PALLD: variants seen among roughly 807,000 people sequenced by gnomAD.
PALLD encodes the protein palladin.
PALLD carries 61 observed loss-of-function variants against 123.5 expected under a neutral mutation model. That is an observed-to-expected ratio of 0.49 (90% CI 0.40 to 0.61). PALLD has a LOEUF of 0.61. Ranked by LOEUF, PALLD falls within the 20% of genes least tolerant of loss-of-function variation. PALLD has a pLI of 0.00. For missense variants in PALLD, 1,273 were observed against 1,377.0 expected, an observed-to-expected ratio of 0.92 and a Z score of 1.20; for synonymous variants, 465 against 496.4, an observed-to-expected ratio of 0.94 and a Z score of 0.84.
At chr4:168,908,193 C>T (rs1183867647) in intron 15 of PALLD, among the ~76,000 whole-genome samples, 1 of 152,100 alleles carries the variant, frequency 6.6e-6, no homozygotes, top group Admixed American at 6.5e-5. Flanking sequence ...TTGGGGGCTT[C>T]AGTAACTGGT....
intron 16 of PALLD, among the ~76,000 whole-genome samples, chr4:168,914,549 T>C (rs1759705989): frequency 6.6e-6 from 1 of 152,242 alleles, no homozygotes. Flanking sequence ...GCAATAGAGA[T>C]GCTTTCCATT....
chr4:168,788,826 A>T (rs953731778), intron 10 of PALLD, among the ~76,000 whole-genome samples: 26 of 152,216 alleles, frequency 1.7e-4, no homozygotes, highest in African/African-American at 6.3e-4. Context: ...AAATGAATTT[A>T]AAAATAAATG....
chr4:168,832,871 C>T (rs1744496789), intron 10 of PALLD: 1 of 152,258 alleles, frequency 6.6e-6, no homozygotes, highest in African/African-American at 2.4e-5. Context: ...TCCCCTCAGT[C>T]CCAGGCCTTG....
In PALLD at chr4:168,837,124, G is replaced by A. The variant is rs1038703691; in HGVS notation, c.1965-53798G>A. ...GAGACCCCACCCTGGACTGCAGAGC[G>A]ATGGGGAGGGGGGATCCTGGCAGTA... is the stretch of plus-strand genomic sequence containing the variant. On this transcript the variant is annotated intron_variant, in intron 10 of 21. Transcript: ENST00000505667. Among the ~76,000 whole-genome samples the A allele has an allele frequency of 5.9e-5, 9 of 152,264 alleles. No individual in the cohort carries two copies. The South Asian group carries it at 6.2e-4, about 11-fold the overall frequency.
chr4:168,819,943 A>C lies in PALLD; in HGVS notation c.1965-70979A>C, dbSNP rs551668781. Among the ~76,000 whole-genome samples the C allele has an allele frequency of 7.2e-5, 11 of 152,216 alleles. No individual in the cohort carries two copies. The South Asian group carries it at 2.3e-3, about 32-fold the overall frequency. ...TCATAAAGAGTTAATGCCAGAGCCAACTCCTTTGTTGAAAATAGTAGTTAA... is the reference window on the plus strand; with the variant it reads ...TCATAAAGAGTTAATGCCAGAGCCACCTCCTTTGTTGAAAATAGTAGTTAA... On this transcript the variant is annotated intron_variant, in intron 10 of 21. Transcript: ENST00000505667.
chr4:168,798,483 G>A (rs1165159328), intron 10 of PALLD, among the ~76,000 whole-genome samples: 1 of 152,030 alleles, frequency 6.6e-6, no homozygotes, highest in African/African-American at 2.4e-5. Flanking sequence ...CTAAAACTAA[G>A]GCATTTGGTA....
rs964352528 is a variant in PALLD, at chr4:168,535,108, A to G, written c.908+22696A>G. ...GAAGTGATTTAAGGTATACTGGAGG[A>G]TGTGCATAGGTTTTATGCAAATACT... is the stretch of plus-strand genomic sequence containing the variant. On this transcript the variant is annotated intron_variant, in intron 2 of 21. Coordinates refer to ENST00000505667, the MANE Select transcript of PALLD (RefSeq NM_001166108.2). Among the ~76,000 whole-genome samples the G allele has an allele frequency of 1.4e-4, 21 of 152,314 alleles. No homozygotes were observed. In the South Asian group the frequency reaches 1.4e-3, roughly 11 times the overall value.
In PALLD at chr4:168,555,931, A is replaced by G. The variant is rs773375415; in HGVS notation, c.908+43519A>G. 2.0e-4 allele frequency among the ~76,000 whole-genome samples: 30 copies of G among 152,146 alleles called. 1 individual carries two copies. The highest frequency in any genetic ancestry group is 1.3e-4 in the Non-Finnish European group (9 of 68,026). ...ATGCAAATTAACTCTATAACCTAAG[A>G]CACCCTATTTAACCTTCTTAAATCT... On this transcript the variant is annotated intron_variant, in intron 2 of 21. Coordinates refer to ENST00000505667, the MANE Select transcript of PALLD (RefSeq NM_001166108.2).
intron 10 of PALLD, among the ~76,000 whole-genome samples, chr4:168,729,246 A>G (rs979228329): frequency 1.4e-4 from 21 of 151,886 alleles, no homozygotes; most frequent in African/African-American, 5.1e-4. Context: ...TTGGATCTCA[A>G]CCTCAAACTC....
chr4:168,786,861 T>G (rs968230854), intron 10 of PALLD, among the ~76,000 whole-genome samples: 5 of 152,166 alleles, frequency 3.3e-5, no homozygotes, highest in Admixed American at 3.3e-4. Context: ...GAGAACAACT[T>G]GGGGGTTATA....
intron 2 of PALLD, among the ~76,000 whole-genome samples, chr4:168,628,627 G>T (rs1052414415): frequency 6.6e-6 from 1 of 152,082 alleles, no homozygotes; most frequent in South Asian, 2.1e-4. Context: ...TTGCTCACAC[G>T]TCACTGTCTC....
At chr4:168,560,863 C>A (rs1195391945) in intron 2 of PALLD, among the ~76,000 whole-genome samples, 1 of 152,178 alleles carries the variant, frequency 6.6e-6, no homozygotes. Flanking sequence ...TGGATATGGG[C>A]AAATATTTTA....
rs767729090 is a variant in PALLD, at chr4:168,890,965, G to A, written c.2008G>A (p.Asp670Asn). 7.4e-6 allele frequency: 12 copies of A among 1,613,738 alleles called. No individual in the cohort carries two copies. The highest frequency in any genetic ancestry group is 2.7e-5 in the African/African-American group (2 of 75,016). ...KASRTARIAS[D>N]EEIQGTKDAV... is the part of the protein sequence containing the mutation. Reference sequence around the variant, plus strand: ...CAGTAGAACTGCTAGAATAGCCTCCGATGAGGAAATTCAAGGCACAAAGGA... The same window carrying A: ...CAGTAGAACTGCTAGAATAGCCTCCAATGAGGAAATTCAAGGCACAAAGGA... Residue 670 changes from aspartate to asparagine, a missense_variant, in exon 11 of 22, where the codon GAT (aspartate) becomes AAT (asparagine). Physicochemically the swap from Asp to Asn is conservative, Grantham distance 23. Coordinates refer to ENST00000505667, the MANE Select transcript of PALLD (RefSeq NM_001166108.2).
chr4:168,737,300 CTTTTTTA>C (rs1787856224), intron 10 of PALLD, among the ~76,000 whole-genome samples: 1 of 151,808 alleles, frequency 6.6e-6, no homozygotes, highest in African/African-American at 2.4e-5. Flanking sequence ...TCTTTTTTTT[CTTTTTTA>C]TAAGTCAAAT....
At chr4:168,749,473 G>A (rs1269845484) in intron 10 of PALLD, among the ~76,000 whole-genome samples, 8 of 151,374 alleles carry the variant, frequency 5.3e-5, no homozygotes, top group Middle Eastern at 3.5e-3. Flanking sequence ...TTGGGAGGCC[G>A]AGGCAGTTGG....
intron 2 of PALLD, among the ~76,000 whole-genome samples, chr4:168,549,245 G>T (rs1389685059): frequency 1.4e-5 from 2 of 140,952 alleles, no homozygotes; most frequent in Admixed American, 7.4e-5. Flanking sequence ...ATTGTCAATT[G>T]ATTGCAATGT....
intron 18 of PALLD, among the ~76,000 whole-genome samples, chr4:168,923,071 C>T (rs746834391): frequency 1.3e-5 from 2 of 152,200 alleles, no homozygotes; most frequent in Non-Finnish European, 2.9e-5. Context: ...ATAACTAGTA[C>T]CCTGCACAGC....
chr4:168,862,980 C>T (rs1307144133), intron 10 of PALLD, among the ~76,000 whole-genome samples: 2 of 152,276 alleles, frequency 1.3e-5, no homozygotes, highest in South Asian at 2.1e-4. Context: ...ATTGAGAACA[C>T]GTGAGGCCAC....
chr4:168,554,046 C>T (rs980771759), intron 2 of PALLD, among the ~76,000 whole-genome samples: 100 of 152,354 alleles, frequency 6.6e-4, no homozygotes, highest in African/African-American at 2.4e-3. Context: ...CCAGCCCCCA[C>T]TGAGGCCAGC....
Sources: allele counts gnomAD v4.1 joint callset (sites outside exome capture counted in the v4.1 genomes callset), GRCh38; gene constraint gnomAD v4.1.1; transcripts MANE v1.5; gene names NCBI Gene and HGNC (gene_info 2026-07-23, HGNC 2026-07-21).